Variants in KLHL3 observed in about 807,000 individuals in gnomAD.
KLHL3 encodes the protein kelch-like protein 3.
Under a neutral mutation model 70.5 loss-of-function variants are expected in KLHL3, and 19 were observed. That is an observed-to-expected ratio of 0.27 (90% CI 0.19 to 0.40). KLHL3 has a LOEUF of 0.40. KLHL3 is among the 10% of genes least tolerant of loss of function. The probability of loss-of-function intolerance (pLI) is 1.00; values close to 1 mark genes in which losing one functional copy is unlikely to be tolerated. For synonymous variants in KLHL3, 258 were observed against 290.3 expected (o/e 0.89, Z 1.13); for missense variants, 512 against 771.1 (o/e 0.66, Z 3.98).
intron 8 of KLHL3, among the ~76,000 whole-genome samples, chr5:137,641,276 C>T (rs1750907934): frequency 6.6e-6 from 1 of 152,296 alleles, no homozygotes. Context: ...GTCTTATTTA[C>T]CCAGTGGTTC....
intron 6 of KLHL3, among the ~76,000 whole-genome samples, chr5:137,669,315 T>C (rs1751691387): frequency 6.6e-6 from 1 of 152,110 alleles, no homozygotes; most frequent in Non-Finnish European, 1.5e-5. Context: ...GTATCTTGTT[T>C]TGATCTGTTT....
At chr5:137,671,072 G>A (rs758927232) in intron 6 of KLHL3, among the ~76,000 whole-genome samples, 3 of 151,734 alleles carry the variant, frequency 2.0e-5, no homozygotes, top group Non-Finnish European at 4.4e-5. Flanking sequence ...CTGACCTGAA[G>A]AAGAAAGCTC....
At chr5:137,640,413 C>G (rs1207318722) in intron 8 of KLHL3, among the ~76,000 whole-genome samples, 1 of 152,114 alleles carries the variant, frequency 6.6e-6, no homozygotes, top group Non-Finnish European at 1.5e-5. Flanking sequence ...GTAGGGTGCA[C>G]TTATGCACTG....
rs1039093194 is a variant in KLHL3 at position 137,691,773 on chromosome 5, G to A, written c.526+512C>T. Among the ~76,000 whole-genome samples, 23 of 65,952 alleles carry A rather than the reference G, an allele frequency of 3.5e-4. No individual in the cohort carries two copies. In the South Asian group the frequency reaches 8.4e-3, roughly 24 times the overall value. 43.3% of individuals were successfully genotyped at this position (65,952 alleles called of 152,430 possible). A position where few individuals can be genotyped will look rare whatever the true frequency, so the allele number is the denominator to read the frequency against. ...CTACAGGCGCCCGCCACCAAGCCCC[G>A]CTAATTTTTTTTTTTTTGTATTTTT... On this transcript the variant is annotated intron_variant, in intron 5 of 14. Transcript: ENST00000309755.
intron 6 of KLHL3, among the ~76,000 whole-genome samples, chr5:137,677,041 T>C (rs1751901171): frequency 6.6e-6 from 1 of 152,182 alleles, no homozygotes. Flanking sequence ...ATCATCACTG[T>C]TATTTCTTCT....
chr5:137,678,780 C>G (rs1305576685), intron 5 of KLHL3, among the ~76,000 whole-genome samples: 1 of 151,830 alleles, frequency 6.6e-6, no homozygotes, highest in Non-Finnish European at 1.5e-5. Context: ...AGTTTACTCT[C>G]AAATATTGAG....
rs749579524 is a variant in KLHL3, at chr5:137,637,337, C to T, written c.1278G>A (p.Pro426=). Residue 426 remains proline (P), a synonymous_variant, in exon 11 of 15, where the codon CCG becomes CCA. Coordinates refer to ENST00000309755, the MANE Select transcript of KLHL3 (RefSeq NM_017415.3). ...YKTNEWFFVA[P]MNTRRSSVGV... ...CCACACTGCTCCGCCGCGTGTTCAT[C>T]GGGGCCACAAAGAACCACTCGTTGG... is the stretch of plus-strand genomic sequence containing the variant. The T allele has an allele frequency of 1.4e-5, 22 of 1,613,992 alleles. No individual in the cohort carries two copies. Among genetic ancestry groups the T allele is most frequent in the South Asian group, 7.7e-5 (7 of 91,084 alleles).
At chr5:137,694,851 A>T (rs539045878) in intron 4 of KLHL3, among the ~76,000 whole-genome samples, 63 of 152,266 alleles carry the variant, frequency 4.1e-4, no homozygotes, top group African/African-American at 1.5e-3. Context: ...AGGGAGAGGA[A>T]GCCATCAAAT....
intron 6 of KLHL3, among the ~76,000 whole-genome samples, chr5:137,675,512 A>G (rs1223757851): frequency 1.3e-5 from 2 of 152,114 alleles, no homozygotes; most frequent in South Asian, 2.1e-4. Context: ...TGACAACTCT[A>G]TAGAGGAGGG....
chr5:137,723,531 G>A (rs1471931807), intron 1 of KLHL3, among the ~76,000 whole-genome samples: 1 of 152,086 alleles, frequency 6.6e-6, no homozygotes, highest in African/African-American at 2.4e-5. Context: ...TTTAAATTAT[G>A]TTTTCTGATT....
intron 4 of KLHL3, among the ~76,000 whole-genome samples, chr5:137,693,933 C>A (rs1752384366): frequency 6.6e-6 from 1 of 151,670 alleles, no homozygotes; most frequent in Admixed American, 6.6e-5. Context: ...TCAGCTCTGA[C>A]TCTCATCACT....
At chr5:137,711,750 G>A (rs573520772) in intron 2 of KLHL3, among the ~76,000 whole-genome samples, 3 of 152,224 alleles carry the variant, frequency 2.0e-5, no homozygotes, top group African/African-American at 7.2e-5. Flanking sequence ...ATATCATGGG[G>A]GCCAAATGGG....
At chr5:137,705,955 C>A (rs997910295) in intron 3 of KLHL3, 1 of 947,438 alleles carries the variant, frequency 1.1e-6, no homozygotes, top group Non-Finnish European at 1.3e-6. Flanking sequence ...TCAAGTTATG[C>A]TGAAAGCAGT....
At chr5:137,675,158 T>C (rs570034908) in intron 6 of KLHL3, among the ~76,000 whole-genome samples, 9 of 152,274 alleles carry the variant, frequency 5.9e-5, no homozygotes, top group Admixed American at 5.2e-4. Context: ...AAATATGAAA[T>C]AGAACTTCGT....
intron 5 of KLHL3, 149 bp downstream of exon 5, chr5:137,692,136 C>T (rs983492209): frequency 4.7e-5 from 32 of 685,686 alleles, no homozygotes; most frequent in Non-Finnish European, 7.4e-5. Context: ...ACTGTCCTAT[C>T]ATTAATTATC....
At chr5:137,664,424 C>A (rs562911271) in intron 6 of KLHL3, among the ~76,000 whole-genome samples, 7 of 149,782 alleles carry the variant, frequency 4.7e-5, no homozygotes, top group Non-Finnish European at 1.0e-4. Flanking sequence ...CTCTTATATC[C>A]AAAAAAAAAT....
chr5:137,626,879 C>T (rs1455619390), intron 13 of KLHL3, among the ~76,000 whole-genome samples: 1 of 152,140 alleles, frequency 6.6e-6, no homozygotes, highest in Non-Finnish European at 1.5e-5. Flanking sequence ...TGGCGCATAA[C>T]TGTGGTCCCA....
chr5:137,636,576 G>GT (rs1311081330), intron 11 of KLHL3, among the ~76,000 whole-genome samples: 3 of 152,224 alleles, frequency 2.0e-5, no homozygotes, highest in East Asian at 3.8e-4. Flanking sequence ...TTAGGAGTCA[G>GT]AAGACCTGGG....
At chr5:137,682,991 G>C (rs2967795) in intron 5 of KLHL3, among the ~76,000 whole-genome samples, 1 of 151,832 alleles carries the variant, frequency 6.6e-6, no homozygotes, top group Admixed American at 6.6e-5. Context: ...TTGACTTTGC[G>C]GGGATTGAGA....
Sources: allele counts gnomAD v4.1 joint callset (sites outside exome capture counted in the v4.1 genomes callset), GRCh38; gene constraint gnomAD v4.1.1; transcripts MANE v1.5; gene names NCBI Gene and HGNC (gene_info 2026-07-23, HGNC 2026-07-21).